Variants in ZNF438 observed in about 807,000 individuals in gnomAD.
ZNF438 encodes zinc finger protein 438.
In ZNF438, 25 loss-of-function variants were observed where a neutral mutation model predicts 38.0. That is an observed-to-expected ratio of 0.66 (90% CI 0.48 to 0.92). The LOEUF is 0.92. ZNF438 is among the 40% of genes least tolerant of loss of function. The probability of loss-of-function intolerance (pLI) is 0.00; values close to 1 mark genes in which losing one functional copy is unlikely to be tolerated. For synonymous variants in ZNF438, 372 were observed against 364.1 expected (o/e 1.02, Z -0.25); for missense variants, 1,007 against 999.6 (o/e 1.01, Z -0.10).
intron 1 of ZNF438, among the ~76,000 whole-genome samples, chr10:31,014,334 G>T (rs2133151536): frequency 6.6e-6 from 1 of 152,332 alleles, no homozygotes; most frequent in African/African-American, 2.4e-5. Context: ...CAGGGTGCCA[G>T]CATGGTCGCT....
intron 2 of ZNF438, among the ~76,000 whole-genome samples, chr10:30,933,136 G>A (rs986314307): frequency 6.6e-6 from 1 of 152,190 alleles, no homozygotes; most frequent in African/African-American, 2.4e-5. Flanking sequence ...ATTGAAATAT[G>A]TCATCCAATC....
At chr10:30,896,201 C>T (rs992408459) in intron 3 of ZNF438, among the ~76,000 whole-genome samples, 1 of 149,824 alleles carries the variant, frequency 6.7e-6, no homozygotes, top group Admixed American at 6.8e-5. Context: ...GAGGCTGAGG[C>T]AGGAGAACGG....
At chr10:30,894,432 G>A (rs1212868955) in intron 3 of ZNF438, among the ~76,000 whole-genome samples, 1 of 152,212 alleles carries the variant, frequency 6.6e-6, no homozygotes, top group East Asian at 1.9e-4. Context: ...CACCTGGGAA[G>A]TATTAATGTG....
chr10:30,889,759 A>G (rs16932045), intron 3 of ZNF438, among the ~76,000 whole-genome samples: 8,370 of 152,226 alleles, frequency 0.055, 735 homozygotes, highest in African/African-American at 0.19. Flanking sequence ...CTTAATTTTC[A>G]GGATCATGTT....
intron 1 of ZNF438, among the ~76,000 whole-genome samples, chr10:30,950,120 A>G (rs2047985551): frequency 6.7e-6 from 1 of 149,932 alleles, no homozygotes; most frequent in Non-Finnish European, 1.5e-5. Context: ...AACTACATGG[A>G]AACTGAACAA....
chr10:30,865,660 T>G (rs1258312831), intron 4 of ZNF438, among the ~76,000 whole-genome samples: 2 of 152,220 alleles, frequency 1.3e-5, no homozygotes, highest in Non-Finnish European at 2.9e-5. Flanking sequence ...ATCAGTGCTA[T>G]GGTGTAATGA....
At position 30,906,170 on chromosome 10, in the gene ZNF438, T is replaced by C. The variant is rs146846734; in HGVS notation, c.-32+2763A>G. 2.0e-4 allele frequency among the ~76,000 whole-genome samples: 31 copies of C among 152,342 alleles called. No individual in the cohort carries two copies. In the East Asian group the frequency reaches 5.8e-3, roughly 28 times the overall value. On this transcript the variant is annotated intron_variant, in intron 3 of 5. Transcript: ENST00000413025. The stretch of plus-strand genomic sequence containing the variant: ...TTGGGGTGTATTACTATCTTAACAA[T>C]GTGAGTTTTCTAATTCAAAGACACA...
In ZNF438 at chr10:30,998,312, G is replaced by A. The variant is rs1481411679; in HGVS notation, c.-192+33521C>T. On this transcript the variant is annotated intron_variant, in intron 1 of 5. Coordinates refer to ENST00000413025, the Ensembl canonical transcript of ZNF438. ...TCCTAGCACTTTGGGAGGCCGAGGCGGGTGGATCATGAGGTCAGGAGTTTG... is the reference window on the plus strand; with the variant it reads ...TCCTAGCACTTTGGGAGGCCGAGGCAGGTGGATCATGAGGTCAGGAGTTTG... Among the ~76,000 whole-genome samples, 5 of 151,838 alleles carry A rather than the reference G, an allele frequency of 3.3e-5. No homozygotes were observed. The South Asian group carries it at 6.3e-4, about 19-fold the overall frequency.
chr10:30,901,084 T>C (rs1000292533), intron 3 of ZNF438, among the ~76,000 whole-genome samples: 51 of 152,190 alleles, frequency 3.4e-4, no homozygotes, highest in Admixed American at 3.3e-3. Context: ...TATTTGCCCA[T>C]TACTGATACA....
intron 1 of ZNF438, among the ~76,000 whole-genome samples, chr10:31,009,302 A>T (rs1009487199): frequency 2.6e-5 from 4 of 152,208 alleles, no homozygotes; most frequent in African/African-American, 9.6e-5. Context: ...AACAGACCTG[A>T]TAACTGGCAC....
intron 1 of ZNF438, among the ~76,000 whole-genome samples, chr10:31,022,734 G>A (rs1021013289): frequency 6.6e-6 from 1 of 152,194 alleles, no homozygotes; most frequent in African/African-American, 2.4e-5. Context: ...CGCTTCGAAA[G>A]CTGAATGCAT....
chr10:30,929,912 C>T lies in ZNF438; in HGVS notation c.-115+11663G>A, dbSNP rs1203831318. ...GCATTTACAAACCCCAAGCTAGACA[C>T]AGAGTGCTGATTGGTGCATTTACAA... On this transcript the variant is annotated intron_variant, in intron 2 of 5. Coordinates refer to ENST00000413025, the Ensembl canonical transcript of ZNF438. Among the ~76,000 whole-genome samples the T allele has an allele frequency of 2.6e-5, 4 of 152,350 alleles. No homozygotes were observed. The East Asian group carries it at 7.7e-4, about 29-fold the overall frequency.
At chr10:31,009,016 T>C (rs910313118) in intron 1 of ZNF438, among the ~76,000 whole-genome samples, 7 of 152,344 alleles carry the variant, frequency 4.6e-5, no homozygotes, top group East Asian at 3.9e-4. Flanking sequence ...GTGACAACGT[T>C]GAGCATCTTT....
At chr10:30,975,650 A>C (rs1768880362) in intron 1 of ZNF438, among the ~76,000 whole-genome samples, 2 of 152,220 alleles carry the variant, frequency 1.3e-5, no homozygotes, top group South Asian at 4.1e-4. Flanking sequence ...CTTTTCTCCT[A>C]GTCTAATGAG....
chr10:30,886,580 T>C (rs2039978823), intron 3 of ZNF438, among the ~76,000 whole-genome samples: 1 of 152,240 alleles, frequency 6.6e-6, no homozygotes, highest in Admixed American at 6.5e-5. Flanking sequence ...AATTAGCCTA[T>C]AGTTAGGCAA....
At chr10:30,894,170 G>C (rs578171003) in intron 3 of ZNF438, among the ~76,000 whole-genome samples, 3 of 152,208 alleles carry the variant, frequency 2.0e-5, no homozygotes, top group Admixed American at 2.0e-4. Context: ...GTTTATTTAA[G>C]AAGTAAAAAC....
At chr10:30,909,203 C>G (rs1379160688) in intron 2 of ZNF438, among the ~76,000 whole-genome samples, 188 bp from the exon 4 acceptor site, 1 of 152,070 alleles carries the variant, frequency 6.6e-6, no homozygotes, top group African/African-American at 2.4e-5. Flanking sequence ...TAGTAAAGTA[C>G]TAAGATTTTT....
chr10:30,857,955 C>T (rs572033423), intron 4 of ZNF438, among the ~76,000 whole-genome samples: 4 of 152,346 alleles, frequency 2.6e-5, no homozygotes, highest in Admixed American at 2.0e-4. Context: ...CAGCTCACTT[C>T]CTGATGTCCA....
intron 2 of ZNF438, among the ~76,000 whole-genome samples, chr10:30,939,265 T>G (rs2135471830): frequency 6.6e-6 from 1 of 152,346 alleles, no homozygotes; most frequent in South Asian, 2.1e-4. Context: ...ATCGTCAACC[T>G]TGAGGGTTGT....
Sources: allele counts gnomAD v4.1 joint callset (sites outside exome capture counted in the v4.1 genomes callset), GRCh38; gene constraint gnomAD v4.1.1; transcripts MANE v1.5; gene names NCBI Gene and HGNC (gene_info 2026-07-23, HGNC 2026-07-21).